Variants in MNX1 observed in about 807,000 individuals in gnomAD.
The protein encoded by MNX1 is motor neuron and pancreas homeobox protein 1.
Under a neutral mutation model 17.3 loss-of-function variants are expected in MNX1, and 2 were observed. The observed-to-expected ratio is 0.12, with a 90% CI of 0.05 to 0.36. The LOEUF is 0.36. MNX1 is among the 10% of genes least tolerant of loss of function. MNX1 has a pLI of 1.00. For synonymous variants in MNX1, 306 were observed against 283.1 expected (o/e 1.08, Z -0.81); for missense variants, 556 against 564.7 (o/e 0.98, Z 0.16).
In MNX1 at chr7:157,008,729, G is replaced by C. The variant is rs556536054; in HGVS notation, c.691+931C>G. ...GGGTCTCTTTGTTTGGGTGTTCGGC[G>C]GCTGAAAGCGTTGAGCCATATACAT... On this transcript the variant is annotated intron_variant, in intron 1 of 2. Coordinates refer to ENST00000252971, the MANE Select transcript of MNX1 (RefSeq NM_005515.4). 10 of 485,308 alleles carry C rather than the reference G, an allele frequency of 2.1e-5. No individual in the cohort carries two copies. In the East Asian group the frequency reaches 2.9e-4, roughly 14 times the overall value. The allele number at this position is 485,308 out of a possible 1,614,324, so 30.1% of individuals were successfully genotyped here.
chr7:157,009,287 G>T, intron 1 of MNX1: 1 of 1,418,304 alleles, frequency 7.1e-7, no homozygotes. Flanking sequence ...TCCTTTCCCC[G>T]GTGATAAGCC....
Position 157,010,135 on chromosome 7 carries a change from G to A in MNX1, c.216C>T (p.Arg72=), listed in dbSNP as rs1171302821. The A allele has an allele frequency of 6.8e-6, 7 of 1,032,976 alleles. No individual in the cohort carries two copies. The highest frequency in any genetic ancestry group is 8.1e-6 in the Non-Finnish European group (7 of 862,872). 64.0% of individuals were successfully genotyped at this position (1,032,976 alleles called of 1,614,324 possible). The part of the protein sequence containing the change: ...SSEPPAAPAD[R]LRAESPSPPR... ...GCGGCGACGGGCTCTCGGCGCGCAG[G>A]CGGTCGGCGGGCGCAGCCGGCGGCT... The change falls in exon 1 of 3, where the codon CGC becomes CGT. Residue 72 remains arginine (R), a synonymous_variant. Coordinates refer to ENST00000252971, the MANE Select transcript of MNX1 (RefSeq NM_005515.4).
rs2134837710 is a variant in MNX1, at chr7:157,005,556, C to T, written c.1170G>A (p.Pro390=). The change falls in exon 3 of 3, where the codon CCG becomes CCA. Residue 390 remains proline, a synonymous_variant. Transcript: ENST00000252971. ...CGGGCTGGTGGCTGGGCCGCGGGGG[C>T]GGCGAGTCGTCCTCCGAGGAGCAGT... ...SSDCSSEDDS[P]PPRPSHQPAP... is the part of the protein sequence containing the mutation. The T allele has an allele frequency of 6.4e-7, 1 of 1,554,080 alleles. No individual in the cohort carries two copies. Among genetic ancestry groups the T allele is most frequent in the Non-Finnish European group, 8.7e-7 (1 of 1,155,202 alleles).
intron 1 of MNX1, 36 bp downstream of exon 1, chr7:157,009,624 C>G: frequency 1.9e-6 from 3 of 1,598,486 alleles, no homozygotes; most frequent in Non-Finnish European, 2.6e-6. Flanking sequence ...GAGGCCCTCC[C>G]GCCACGCGCA....
rs948187989 is a variant in MNX1 at position 157,005,427 on chromosome 7, G to A, written c.*93C>T. 3 of 931,176 alleles carry A rather than the reference G, an allele frequency of 3.2e-6. No homozygotes were observed. Among genetic ancestry groups the A allele is most frequent in the South Asian group, 5.2e-5 (1 of 19,278 alleles). 57.7% of individuals were successfully genotyped at this position (931,176 alleles called of 1,614,324 possible). On this transcript the variant is annotated 3_prime_UTR_variant, in exon 3 of 3. Coordinates refer to ENST00000252971, the MANE Select transcript of MNX1 (RefSeq NM_005515.4). ...GGCGGCGGTCGAGCCTGCTCTCGGG[G>A]CCGGGCCGGGTGGGTGCGGGCGCCG...
At chr7:157,008,733 G>A (rs1805649101) in intron 1 of MNX1, 2 of 491,918 alleles carry the variant, frequency 4.1e-6, no homozygotes, top group Non-Finnish European at 7.2e-6. Flanking sequence ...TTCGGCGGCT[G>A]AAAGCGTTGA....
chr7:157,007,786 C>CG (rs1348255414), intron 1 of MNX1: 1 of 152,222 alleles, frequency 6.6e-6, no homozygotes, highest in Non-Finnish European at 1.5e-5. Context: ...TCAGGTCCCC[C>CG]GGGATGGGCA....
chr7:157,006,458 G>A lies in MNX1; in HGVS notation c.852+21C>T, dbSNP rs377634311. ...GTCCCCTGGGAGGCCGGGATGCGTC[G>A]GGGGCGGGGAGGGCGCGCACCTGGG... On this transcript the variant is annotated intron_variant, in intron 2 of 2. Transcript: ENST00000252971. The surrounding 1 kb of genome is among the most constrained non-coding windows in gnomAD (Gnocchi z 6.3). 1 of 1,605,966 alleles carries A rather than the reference G, an allele frequency of 6.2e-7. No individual in the cohort carries two copies. Among genetic ancestry groups the A allele is most frequent in the Non-Finnish European group, 8.5e-7 (1 of 1,177,780 alleles).
Position 157,005,548 on chromosome 7 carries a change from C to T in MNX1, c.1178G>A (p.Arg393Gln). The change falls in exon 3 of 3, where the codon CGG becomes CAG. Residue 393 changes from arginine (R) to glutamine (Q), a missense_variant. Coordinates refer to ENST00000252971, the MANE Select transcript of MNX1 (RefSeq NM_005515.4). ...CTGGGGCGCGGGCTGGTGGCTGGGC[C>T]GCGGGGGCGGCGAGTCGTCCTCCGA... Reference protein sequence around the residue: ...CSSEDDSPPPRPSHQPAPQ With the variant: ...CSSEDDSPPPQPSHQPAPQ 1.9e-6 allele frequency: 3 copies of T among 1,544,424 alleles called. No individual in the cohort carries two copies. Among genetic ancestry groups the T allele is most frequent in the African/African-American group, 1.4e-5 (1 of 70,468 alleles).
In MNX1 at chr7:157,009,899, C is replaced by A. The variant is rs1805676970; in HGVS notation, c.452G>T (p.Gly151Val). 7.4e-7 allele frequency: 1 copy of A among 1,348,530 alleles called. No individual in the cohort carries two copies. The allele number at this position is 1,348,530 out of a possible 1,614,324, so 83.5% of individuals were successfully genotyped here. The change falls in exon 1 of 3, where the codon GGC becomes GTC. Residue 151 changes from glycine (G) to valine (V), a missense_variant. By Grantham distance (109) the Gly-to-Val change is moderately radical. Coordinates refer to ENST00000252971, the MANE Select transcript of MNX1 (RefSeq NM_005515.4). ...GTAGAGCGCCGCCTGCGCCGGGAGG[C>A]CCGCGCCGCCCTGCGCGCCCCCAGG... ...LHPGGAQGGAGLPAQAALYGH... is the reference protein window; with the variant it reads ...LHPGGAQGGAVLPAQAALYGH...
At position 157,006,536 on chromosome 7, in the gene MNX1, G is replaced by A; in HGVS notation, c.795C>T (p.Tyr265=). The stretch of plus-strand genomic sequence containing the variant: ...CCTCGAAGCGCTTGGGCCGCGACAG[G>A]TACTTGTTGAGCTTGAACTGGTGCT... ...ELEHQFKLNK[Y]LSRPKRFEVA... Residue 265 remains tyrosine (Y), a synonymous_variant, in exon 2 of 3, where the codon TAC becomes TAT. Coordinates refer to ENST00000252971, the MANE Select transcript of MNX1 (RefSeq NM_005515.4). The surrounding 1 kb of genome is among the most constrained non-coding windows in gnomAD (Gnocchi z 6.3). The A allele has an allele frequency of 6.2e-7, 1 of 1,610,984 alleles. No homozygotes were observed.
Position 157,010,426 on chromosome 7 carries a change from T to C in MNX1, c.-76A>G, listed in dbSNP as rs1283705976. 8 of 1,214,722 alleles carry C rather than the reference T, an allele frequency of 6.6e-6. No homozygotes were observed. The highest frequency in any genetic ancestry group is 8.1e-6 in the Non-Finnish European group (7 of 866,910). 75.2% of individuals were successfully genotyped at this position (1,214,722 alleles called of 1,614,324 possible). ...TGTGCGGGCTCGCGGAGTCAGTGCG[T>C]GCGGTGCAAGCCCGGGGGCTCGGTA... On this transcript the variant is annotated 5_prime_UTR_variant, in exon 1 of 3. Coordinates refer to ENST00000252971, the MANE Select transcript of MNX1 (RefSeq NM_005515.4).
At chr7:157,009,069 G>A (rs1213172877) in intron 1 of MNX1, 1 of 1,536,754 alleles carries the variant, frequency 6.5e-7, no homozygotes, top group South Asian at 1.2e-5. Context: ...TTCAAGCCAG[G>A]CCACCTGCCT....
In MNX1 at chr7:157,005,751, C is replaced by G; in HGVS notation, c.975G>C (p.Ala325=). The change falls in exon 3 of 3, where the codon GCG becomes GCC. Residue 325 remains alanine (A), a synonymous_variant. Transcript: ENST00000252971. ...GGGGGAGKGG[A]EEPGAEELLG... ...GCAGCTCCTCGGCTCCCGGCTCCTC[C>G]GCGCCGCCCTTCCCCGCGCCCCCGC... 1 of 1,609,350 alleles carries G rather than the reference C, an allele frequency of 6.2e-7. No homozygotes were observed. The highest frequency in any genetic ancestry group is 1.1e-5 in the South Asian group (1 of 91,022).
In MNX1 at chr7:157,010,127, G is replaced by A. The variant is rs1338839358; in HGVS notation, c.224C>T (p.Ala75Val). 1 of 1,013,554 alleles carries A rather than the reference G, an allele frequency of 9.9e-7. No homozygotes were observed. The highest frequency in any genetic ancestry group is 1.2e-6 in the Non-Finnish European group (1 of 850,398). The allele number at this position is 1,013,554 out of a possible 1,614,324, so 62.8% of individuals were successfully genotyped here. Residue 75 changes from alanine to valine, a missense_variant, in exon 1 of 3, where the codon GCC becomes GTC. Physicochemically the swap from Ala to Val is moderately conservative, Grantham distance 64. Coordinates refer to ENST00000252971, the MANE Select transcript of MNX1 (RefSeq NM_005515.4). ...CAGGCGCGGCGGCGACGGGCTCTCG[G>A]CGCGCAGGCGGTCGGCGGGCGCAGC... ...PPAAPADRLR[A>V]ESPSPPRLLA...
chr7:157,005,534 G>A lies in MNX1; in HGVS notation c.1192C>T (p.Pro398Ser), dbSNP rs1384670116. Reference protein sequence around the residue: ...DSPPPRPSHQPAPQ With the variant: ...DSPPPRPSHQSAPQ ...CCGCGGGGCTCCTACTGGGGCGCGG[G>A]CTGGTGGCTGGGCCGCGGGGGCGGC... Residue 398 changes from proline (P) to serine (S), a missense_variant, in exon 3 of 3, where the codon CCC becomes TCC. By Grantham distance (74) the Pro-to-Ser change is moderately conservative. Coordinates refer to ENST00000252971, the MANE Select transcript of MNX1 (RefSeq NM_005515.4). The A allele has an allele frequency of 2.2e-5, 33 of 1,522,646 alleles. No individual in the cohort carries two copies. The highest frequency in any genetic ancestry group is 2.9e-5 in the Non-Finnish European group (33 of 1,140,036). 94.3% of individuals were successfully genotyped at this position (1,522,646 alleles called of 1,614,324 possible).
Position 157,006,467 on chromosome 7 carries a change from G to A in MNX1, c.852+12C>T, listed in dbSNP as rs765016478. 10 of 1,607,980 alleles carry A rather than the reference G, an allele frequency of 6.2e-6. No homozygotes were observed. In the African/African-American group the frequency reaches 8.0e-5, roughly 13 times the overall value. On this transcript the variant is annotated intron_variant, in intron 2 of 2. Coordinates refer to ENST00000252971, the MANE Select transcript of MNX1 (RefSeq NM_005515.4). The surrounding 1 kb of genome is among the most constrained non-coding windows in gnomAD (Gnocchi z 6.3). ...GAGGCCGGGATGCGTCGGGGGCGGG[G>A]AGGGCGCGCACCTGGGTCTCGGTGA...
rs201139239 is a variant in MNX1 at position 157,009,650 on chromosome 7, G to C, written c.691+10C>G. 2.5e-4 allele frequency: 410 copies of C among 1,608,426 alleles called. 4 individuals are homozygous for C. In the East Asian group the frequency reaches 8.0e-3, roughly 32 times the overall value. ...GCCACGCGCATCCACGGGGGCCGCAGGGTACTCACAGTTGAAGTCGGGCAT... is the reference window on the plus strand; with the variant it reads ...GCCACGCGCATCCACGGGGGCCGCACGGTACTCACAGTTGAAGTCGGGCAT... On this transcript the variant is annotated intron_variant, in intron 1 of 2. Transcript: ENST00000252971.
At position 157,007,169 on chromosome 7, in the gene MNX1, C is replaced by G. The variant is rs114032338; in HGVS notation, c.692-530G>C. 1,144 of 152,338 alleles carry G rather than the reference C, an allele frequency of 7.5e-3. 11 individuals are homozygous for G. Among genetic ancestry groups the G allele is most frequent in the South Asian group, 0.021 (99 of 4,818 alleles). The allele number at this position is 152,338 out of a possible 1,614,324, so 9.4% of individuals were successfully genotyped here. A position where few individuals can be genotyped will look rare whatever the true frequency, so the allele number is the denominator to read the frequency against. On this transcript the variant is annotated intron_variant, in intron 1 of 2. Coordinates refer to ENST00000252971, the MANE Select transcript of MNX1 (RefSeq NM_005515.4). The stretch of plus-strand genomic sequence containing the variant: ...TGATGAGAACCAAATCTCTCCCCCT[C>G]TCCTCACTGCGCCTTCCTAGAGATT...
Sources: gnomAD v4.1 joint callset for allele counts on GRCh38, gnomAD v4.1.1 for gene constraint, Gnocchi (gnomAD v3.1) non-coding constraint, MANE v1.5 for transcripts, NCBI Gene and HGNC (gene_info 2026-07-23, HGNC 2026-07-21) for gene names.